Variants in TXNDC16 observed in about 807,000 individuals in gnomAD.
TXNDC16 encodes the protein thioredoxin domain containing 16.
A neutral mutation model predicts 85.6 loss-of-function variants in TXNDC16; 74 were observed. That is an observed-to-expected ratio of 0.86 (90% CI 0.72 to 1.05). TXNDC16 has a LOEUF of 1.05. Among genes scored for constraint, TXNDC16 ranks in the 50% least tolerant of loss-of-function variants. TXNDC16 has a pLI of 0.00. For synonymous variants in TXNDC16, 335 were observed against 326.5 expected, an observed-to-expected ratio of 1.03 and a Z score of -0.28; for missense variants, 959 against 947.0, an observed-to-expected ratio of 1.01 and a Z score of -0.17.
At chr14:52,457,385 T>C (rs942020376) in intron 16 of TXNDC16, among the ~76,000 whole-genome samples, 1 of 152,204 alleles carries the variant, frequency 6.6e-6, no homozygotes, top group African/African-American at 2.4e-5. Flanking sequence ...ATTGATATAA[T>C]GCAACATGGC....
chr14:52,516,813 C>T lies in TXNDC16; in HGVS notation c.515-1843G>A, dbSNP rs115107636. Among the ~76,000 whole-genome samples the T allele has an allele frequency of 1.9e-3, 295 of 152,200 alleles. 3 individuals are homozygous for T. The highest frequency in any genetic ancestry group is 6.9e-3 in the African/African-American group (287 of 41,556). On this transcript the variant is annotated intron_variant, in intron 7 of 20. Coordinates refer to ENST00000281741, the MANE Select transcript of TXNDC16 (RefSeq NM_020784.3). Reference sequence around the variant, plus strand: ...CACTCACCACCCTACCTTGGAGTCACCCAAAACACCCCAGCCAGGATCACT... The same window carrying T: ...CACTCACCACCCTACCTTGGAGTCATCCAAAACACCCCAGCCAGGATCACT...
chr14:52,519,932 A>C (rs1186819894), intron 6 of TXNDC16, among the ~76,000 whole-genome samples: 4 of 152,136 alleles, frequency 2.6e-5, no homozygotes, highest in Non-Finnish European at 5.9e-5. Flanking sequence ...TACAACTTAT[A>C]ATTATTTATA....
intron 9 of TXNDC16, among the ~76,000 whole-genome samples, chr14:52,510,277 T>C (rs2036924999): frequency 6.6e-6 from 1 of 152,230 alleles, no homozygotes; most frequent in Non-Finnish European, 1.5e-5. Flanking sequence ...AGTTTTAAAA[T>C]ATAATGATTT....
At position 52,511,228 on chromosome 14, in the gene TXNDC16, T is replaced by C; in HGVS notation, c.756+12A>G. ...GTAGAAAGCAAATAAAAATATAAAA[T>C]AAGACACATACCAACAGAGGTGCTT... On this transcript the variant is annotated intron_variant, in intron 9 of 20. Transcript: ENST00000281741. 1 of 1,511,194 alleles carries C rather than the reference T, an allele frequency of 6.6e-7. No homozygotes were observed. Among genetic ancestry groups the C allele is most frequent in the Non-Finnish European group, 8.9e-7 (1 of 1,120,712 alleles). 93.6% of individuals were successfully genotyped at this position (1,511,194 alleles called of 1,614,324 possible).
intron 9 of TXNDC16, among the ~76,000 whole-genome samples, chr14:52,500,172 T>C (rs988574137): frequency 6.6e-6 from 1 of 152,144 alleles, no homozygotes; most frequent in African/African-American, 2.4e-5. Flanking sequence ...CATTGCAGCA[T>C]TACTCACCAT....
At chr14:52,535,928 G>A (rs2037690002) in intron 6 of TXNDC16, among the ~76,000 whole-genome samples, 1 of 152,194 alleles carries the variant, frequency 6.6e-6, no homozygotes, top group East Asian at 1.9e-4. Context: ...GGAGGCTGAG[G>A]TGGGAGGATC....
At chr14:52,475,645 C>T (rs2036004161) in intron 14 of TXNDC16, among the ~76,000 whole-genome samples, 3 of 152,094 alleles carry the variant, frequency 2.0e-5, no homozygotes, top group Admixed American at 2.0e-4. Flanking sequence ...CACCCTCATC[C>T]CCCACAGCAG....
chr14:52,439,407 A>G lies in TXNDC16; in HGVS notation c.2004-13T>C. 1 of 1,596,738 alleles carries G rather than the reference A, an allele frequency of 6.3e-7. No individual in the cohort carries two copies. The highest frequency in any genetic ancestry group is 8.5e-7 in the Non-Finnish European group (1 of 1,170,612). On this transcript the variant is annotated splice_polypyrimidine_tract_variant and intron_variant, in intron 19 of 20. Transcript: ENST00000281741. The stretch of plus-strand genomic sequence containing the variant: ...TGGAGTATTCTTTCTGCAAAAGGGA[A>G]CAATTGAACATATTAATATTTCTTT...
intron 18 of TXNDC16, 98 bp downstream of exon 18, chr14:52,455,226 G>C (rs1254969132): frequency 5.6e-6 from 8 of 1,430,610 alleles, no homozygotes; most frequent in Non-Finnish European, 7.6e-6. Flanking sequence ...ACCCTGCCCT[G>C]TACCAGCAAA....
intron 16 of TXNDC16, among the ~76,000 whole-genome samples, chr14:52,465,346 A>T (rs527967937): frequency 6.6e-6 from 1 of 152,144 alleles, no homozygotes; most frequent in African/African-American, 2.4e-5. Context: ...CAATGCCAGC[A>T]CTTTGGGAGG....
chr14:52,494,300 T>A (rs1481283617), intron 9 of TXNDC16, among the ~76,000 whole-genome samples: 4 of 152,102 alleles, frequency 2.6e-5, no homozygotes, highest in Admixed American at 2.6e-4. Context: ...TTACGTGACA[T>A]TACATAGAAG....
At chr14:52,447,517 C>T (rs1367999603) in intron 18 of TXNDC16, among the ~76,000 whole-genome samples, 1 of 152,104 alleles carries the variant, frequency 6.6e-6, no homozygotes, top group Non-Finnish European at 1.5e-5. Context: ...TGGTGGTGGC[C>T]CCTGAGGGTG....
rs111635689 is a variant in TXNDC16 at position 52,530,625 on chromosome 14, A to G, written c.392+6094T>C. Among the ~76,000 whole-genome samples the G allele has an allele frequency of 3.6e-3, 333 of 93,750 alleles. 6 individuals carry two copies. The highest frequency in any genetic ancestry group is 0.013 in the African/African-American group (312 of 23,360). 61.5% of individuals were successfully genotyped at this position (93,750 alleles called of 152,430 possible). Reference sequence around the variant, plus strand: ...ATATGTAGTATATATATGTGTGTGTATATACATATATATAAAAAATACCTA... The same window carrying G: ...ATATGTAGTATATATATGTGTGTGTGTATACATATATATAAAAAATACCTA... On this transcript the variant is annotated intron_variant, in intron 6 of 20. Transcript: ENST00000281741.
chr14:52,550,185 A>C (rs1016937179), intron 1 of TXNDC16, among the ~76,000 whole-genome samples: 1 of 152,218 alleles, frequency 6.6e-6, no homozygotes, highest in South Asian at 2.1e-4. Flanking sequence ...CTATTAAATA[A>C]ATTGTAGCAA....
chr14:52,490,899 C>G lies in TXNDC16; in HGVS notation c.863G>C (p.Arg288Thr). Reference sequence around the variant, plus strand: ...ACGCCAAGCAACCCATTCTGCAGTTCTTCTATCAGCTTCATAAGTAGCCTG... The same window carrying G: ...ACGCCAAGCAACCCATTCTGCAGTTGTTCTATCAGCTTCATAAGTAGCCTG... Reference protein sequence around the residue: ...SQQATYEADRRTAEWVAWRLL... With the variant: ...SQQATYEADRTTAEWVAWRLL... Residue 288 changes from arginine (R) to threonine (T), a missense_variant, in exon 10 of 21, where the codon AGA (arginine) becomes ACA (threonine). Transcript: ENST00000281741. 6.2e-7 allele frequency: 1 copy of G among 1,612,364 alleles called. No homozygotes were observed. Among genetic ancestry groups the G allele is most frequent in the East Asian group, 2.2e-5 (1 of 44,758 alleles).
intron 9 of TXNDC16, among the ~76,000 whole-genome samples, chr14:52,507,631 G>C (rs2036843889): frequency 6.6e-6 from 1 of 152,170 alleles, no homozygotes; most frequent in African/African-American, 2.4e-5. Flanking sequence ...AAAGAACAAA[G>C]CTGGAGGCAT....
At position 52,530,592 on chromosome 14, in the gene TXNDC16, T is replaced by TA. The variant is rs1260658319; in HGVS notation, c.392+6126dup. 3.8e-4 allele frequency among the ~76,000 whole-genome samples: 14 copies of TA among 37,274 alleles called. 1 individual carries two copies. The highest frequency in any genetic ancestry group is 5.4e-4 in the Non-Finnish European group (12 of 22,344). The allele number at this position is 37,274 out of a possible 152,430, so 24.5% of individuals were successfully genotyped here. ...AATAATATATAATTATTATATATAA[T>TA]ATATATAATATGTAGTATATATATG... On this transcript the variant is annotated intron_variant, in intron 6 of 20. Coordinates refer to ENST00000281741, the MANE Select transcript of TXNDC16 (RefSeq NM_020784.3).
rs146599860 is a variant in TXNDC16, at chr14:52,502,751, G to A, written c.756+8489C>T. Among the ~76,000 whole-genome samples, 926 of 152,266 alleles carry A rather than the reference G, an allele frequency of 6.1e-3. 6 individuals are homozygous for A. Among genetic ancestry groups the A allele is most frequent in the Admixed American group, 0.016 (248 of 15,306 alleles). On this transcript the variant is annotated intron_variant, in intron 9 of 20. Coordinates refer to ENST00000281741, the MANE Select transcript of TXNDC16 (RefSeq NM_020784.3). The stretch of plus-strand genomic sequence containing the variant: ...TGCAGGACAGTCGGTACAGCGCACC[G>A]AGCGTGACCCGAAGCAGGGTGACGC...
At chr14:52,466,810 T>A (rs989667206) in intron 16 of TXNDC16, among the ~76,000 whole-genome samples, 8 of 151,954 alleles carry the variant, frequency 5.3e-5, no homozygotes, top group African/African-American at 1.7e-4. Context: ...GAGCTTGCAG[T>A]GAGCCGAGAT....
Sources: allele counts gnomAD v4.1 joint callset (sites outside exome capture counted in the v4.1 genomes callset), GRCh38; gene constraint gnomAD v4.1.1; transcripts MANE v1.5; gene names NCBI Gene and HGNC (gene_info 2026-07-23, HGNC 2026-07-21).